Variants in SELENON observed in about 807,000 individuals in gnomAD.
The protein encoded by SELENON is selenoprotein N, also known as selenoprotein N, 1.
Under a neutral mutation model 59.5 loss-of-function variants are expected in SELENON, and 44 were observed. That is an observed-to-expected ratio of 0.74 (90% CI 0.58 to 0.95). SELENON has a LOEUF of 0.95. Among genes scored for constraint, SELENON ranks in the 40% least tolerant of loss-of-function variants. SELENON has a pLI of 0.00. For missense variants in SELENON, 674 were observed against 721.4 expected, an observed-to-expected ratio of 0.93 and a Z score of 0.75; for synonymous variants, 320 against 305.6, an observed-to-expected ratio of 1.05 and a Z score of -0.49.
chr1:25,809,199 TA>T (rs1226646145), intron 6 of SELENON, 49 bp downstream of exon 5: 3 of 1,612,196 alleles, frequency 1.9e-6, no homozygotes, highest in Non-Finnish European at 2.5e-6. Flanking sequence ...GGCATGACGG[TA>T]CAGCGCCCAG....
At position 25,807,562 on chromosome 1, in the gene SELENON, A is replaced by G. The variant is rs1267269550; in HGVS notation, c.538-1018A>G. 2.0e-5 allele frequency among the ~76,000 whole-genome samples: 3 copies of G among 152,206 alleles called. No homozygotes were observed. The highest frequency in any genetic ancestry group is 2.0e-4 in the Admixed American group (3 of 15,280). ...ACCCCTAGCCCTGGCCCCCGAGCAG[A>G]GCCCCAGCAAGCCCAGCACCCATCG... On this transcript the variant is annotated intron_variant, in intron 4 of 12. Coordinates refer to ENST00000361547, the MANE Select transcript of SELENON (RefSeq NM_020451.3). This position sits in a 1 kb window ranked among gnomAD's most constrained non-coding sequence, Gnocchi z 4.5.
At chr1:25,814,484 C>T (rs553857761) in intron 12 of SELENON, among the ~76,000 whole-genome samples, 1 of 152,300 alleles carries the variant, frequency 6.6e-6, no homozygotes, top group South Asian at 2.1e-4. Flanking sequence ...CCATGGCGGC[C>T]AGTCCTGGGA....
Position 25,815,688 on chromosome 1 carries a change from C to A in SELENON, c.1743C>A (p.Leu581=). 1 of 1,614,170 alleles carries A rather than the reference C, an allele frequency of 6.2e-7. No homozygotes were observed. The highest frequency in any genetic ancestry group is 8.5e-7 in the Non-Finnish European group (1 of 1,180,038). ...ACATGCAGTTCCTGAAGGAGGGACTCCGGCGTGGCCTGCCCCTCCTCCAGC... is the reference window on the plus strand; with the variant it reads ...ACATGCAGTTCCTGAAGGAGGGACTACGGCGTGGCCTGCCCCTCCTCCAGC... Residue 581 remains leucine, a synonymous_variant, in exon 13 of 13, where the codon CTC becomes CTA. Transcript: ENST00000361547.
At chr1:25,804,635 GC>G (rs1197773373) in intron 3 of SELENON, among the ~76,000 whole-genome samples, 354 of 35,102 alleles carry the variant, frequency 0.01, 3 homozygotes, top group African/African-American at 0.045. Flanking sequence ...CTGGGGCAAT[GC>G]CCCCCCCGCC....
intron 9 of SELENON, among the ~76,000 whole-genome samples, chr1:25,812,438 C>T (rs2047969662): frequency 6.7e-6 from 1 of 148,686 alleles, no homozygotes. Flanking sequence ...CACACACATA[C>T]AAACACACAC....
intron 3 of SELENON, 22 bp from the exon 3 acceptor site, chr1:25,805,120 C>T (rs764463842): frequency 4.3e-6 from 7 of 1,612,450 alleles, no homozygotes; most frequent in Non-Finnish European, 5.9e-6. Context: ...GGCAGTGCCT[C>T]TCCGATGTCT....
chr1:25,813,791 G>A, intron 10 of SELENON, 90 bp from the exon 10 acceptor site: 1 of 906,814 alleles, frequency 1.1e-6, no homozygotes, highest in Admixed American at 1.7e-5. Context: ...TGGGTGCAGA[G>A]ACTGTCCTGC....
chr1:25,809,965 G>A (rs1378589187), intron 7 of SELENON, 145 bp downstream of exon 6: 11 of 1,028,168 alleles, frequency 1.1e-5, no homozygotes, highest in Admixed American at 5.7e-5. Flanking sequence ...GGCAGGAGGC[G>A]GCATGAGGCA....
rs140320187 is a variant in SELENON at position 25,815,739 on chromosome 1, T to A, written c.*21T>A. 18 of 1,612,406 alleles carry A rather than the reference T, an allele frequency of 1.1e-5. No individual in the cohort carries two copies. Among genetic ancestry groups the A allele is most frequent in the Middle Eastern group, 1.7e-4 (1 of 6,022 alleles). Reference sequence around the variant, plus strand: ...CCTAGAGTGCCTGGACGGGATCTGATGCACAGGCCCCCACGCCTCAGAGCC... The same window carrying A: ...CCTAGAGTGCCTGGACGGGATCTGAAGCACAGGCCCCCACGCCTCAGAGCC... On this transcript the variant is annotated 3_prime_UTR_variant, in exon 13 of 13. Coordinates refer to ENST00000361547, the MANE Select transcript of SELENON (RefSeq NM_020451.3).
chr1:25,811,290 G>A lies in SELENON; in HGVS notation c.1011-164G>A, dbSNP rs549317282. On this transcript the variant is annotated intron_variant, in intron 7 of 12. Coordinates refer to ENST00000361547, the MANE Select transcript of SELENON (RefSeq NM_020451.3). The stretch of plus-strand genomic sequence containing the variant: ...CAGCCTGGTGGGGAAGAGGGCCAGG[G>A]CTCTGCAGCCAGAATCCCAGTGGCT... 2.6e-5 allele frequency among the ~76,000 whole-genome samples: 4 copies of A among 152,376 alleles called. No homozygotes were observed. In the East Asian group the frequency reaches 5.8e-4, roughly 22 times the overall value.
chr1:25,806,091 CCCAG>C (rs1339901794), intron 4 of SELENON, among the ~76,000 whole-genome samples: 1 of 152,256 alleles, frequency 6.6e-6, no homozygotes, highest in African/African-American at 2.4e-5. Flanking sequence ...CACAGCCCGA[CCCAG>C]CCTTTTCATC....
At chr1:25,801,185 G>A in intron 2 of SELENON, 25 bp downstream of exon 2, 1 of 1,585,428 alleles carries the variant, frequency 6.3e-7, no homozygotes, top group South Asian at 1.1e-5. Context: ...TGGCGGCTGG[G>A]GAGGAGGGCG....
chr1:25,810,605 C>A (rs547152971), intron 7 of SELENON, among the ~76,000 whole-genome samples: 46 of 152,334 alleles, frequency 3.0e-4, no homozygotes, highest in African/African-American at 1.1e-3. Flanking sequence ...TCCTCATCTG[C>A]CGGATGGGAG....
At position 25,815,550 on chromosome 1, in the gene SELENON, C is replaced by T. The variant is rs750712247; in HGVS notation, c.1605C>T (p.Val535=). ...GCCTCACCCGGCCCTTCTCCCAGGT[C>T]CATCACATCAATGCCAACTACTTCT... The change falls in exon 13 of 13, where the codon GTC becomes GTT. Residue 535 remains valine (V), a splice_region_variant and synonymous_variant. Coordinates refer to ENST00000361547, the MANE Select transcript of SELENON (RefSeq NM_020451.3). 6.2e-7 allele frequency: 1 copy of T among 1,613,914 alleles called. No homozygotes were observed. Among genetic ancestry groups the T allele is most frequent in the Non-Finnish European group, 8.5e-7 (1 of 1,179,956 alleles).
chr1:25,813,116 G>C (rs2124453405), intron 10 of SELENON, among the ~76,000 whole-genome samples: 1 of 152,294 alleles, frequency 6.6e-6, no homozygotes. Context: ...CATAGCTGTG[G>C]ACATGGAGGT....
At chr1:25,811,957 CAG>C in intron 9 of SELENON, 78 bp downstream of exon 8, 1 of 1,444,608 alleles carries the variant, frequency 6.9e-7, no homozygotes, top group Non-Finnish European at 9.5e-7. Flanking sequence ...CAGCTGGGCA[CAG>C]ACGCTGGTAT....
intron 10 of SELENON, 130 bp downstream of exon 9, chr1:25,812,922 C>A (rs1273480785): frequency 7.2e-6 from 5 of 695,390 alleles, no homozygotes; most frequent in Non-Finnish European, 1.2e-5. Flanking sequence ...ATGGTAGGGG[C>A]GTGGGGTGAG....
At chr1:25,808,884 T>C (rs2124447730) in intron 5 of SELENON, 95 bp downstream of exon 4, 1 of 1,574,434 alleles carries the variant, frequency 6.4e-7, no homozygotes, top group Non-Finnish European at 8.7e-7. Flanking sequence ...CCAGGCCTGC[T>C]CCACCTGCTC....
At position 25,809,897 on chromosome 1, in the gene SELENON, C is replaced by T. The variant is rs867553089; in HGVS notation, c.1010+77C>T. 3.0e-5 allele frequency: 47 copies of T among 1,552,442 alleles called. No homozygotes were observed. In the African/African-American group the frequency reaches 3.2e-4, roughly 11 times the overall value. On this transcript the variant is annotated intron_variant, in intron 7 of 12. Transcript: ENST00000361547. The stretch of plus-strand genomic sequence containing the variant: ...CTCCCCAGCTCCAGGAGCCTAGGGG[C>T]CTCTTCTGTCTCTGCCCCTTCCTTT...
Sources: gnomAD v4.1 joint callset for allele counts (sites outside exome capture counted in the v4.1 genomes callset) on GRCh38, gnomAD v4.1.1 for gene constraint, Gnocchi (gnomAD v3.1) non-coding constraint, MANE v1.5 for transcripts, NCBI Gene and HGNC (gene_info 2026-07-23, HGNC 2026-07-21) for gene names.